Variants in MAP2K3 observed in about 807,000 individuals in gnomAD.
The protein encoded by MAP2K3 is mitogen-activated protein kinase kinase 3.
In MAP2K3, 30 loss-of-function variants were observed where a neutral mutation model predicts 46.4. That is an observed-to-expected ratio of 0.65 (90% CI 0.48 to 0.88). The LOEUF (loss-of-function observed/expected upper bound fraction) is 0.88. Among genes scored for constraint, MAP2K3 ranks in the 40% least tolerant of loss-of-function variants. MAP2K3 has a pLI of 0.00. For missense variants in MAP2K3, 380 were observed against 464.5 expected (o/e 0.82, Z 1.67); for synonymous variants, 189 against 176.3 (o/e 1.07, Z -0.57).
At chr17:21,300,693 C>A in intron 4 of MAP2K3, 35 bp downstream of exon 4, 1 of 1,596,484 alleles carries the variant, frequency 6.3e-7, no homozygotes, top group South Asian at 1.1e-5. Context: ...GGAGGGCTCC[C>A]TGGAGGAGGC....
In MAP2K3 at chr17:21,284,856, C is replaced by T; in HGVS notation, c.-65C>T. 11 of 1,552,842 alleles carry T rather than the reference C, an allele frequency of 7.1e-6. No homozygotes were observed. Among genetic ancestry groups the T allele is most frequent in the Middle Eastern group, 1.7e-4 (1 of 5,844 alleles). On this transcript the variant is annotated 5_prime_UTR_variant, in exon 1 of 12. Transcript: ENST00000342679. Reference sequence around the variant, plus strand: ...GTCTGCCCGCAGCCATGAGCGTGCTCGGCCCCGGTGGAGCCCGCAGTCCTC... The same window carrying T: ...GTCTGCCCGCAGCCATGAGCGTGCTTGGCCCCGGTGGAGCCCGCAGTCCTC...
At chr17:21,299,333 G>A (rs1213042146) in intron 3 of MAP2K3, among the ~76,000 whole-genome samples, 1 of 152,312 alleles carries the variant, frequency 6.6e-6, no homozygotes, top group African/African-American at 2.4e-5. Context: ...AAGGGCACTA[G>A]CCATTCAGAA....
At chr17:21,307,937 C>CCA in intron 9 of MAP2K3, among the ~76,000 whole-genome samples, 1 of 147,754 alleles carries the variant, frequency 6.8e-6, no homozygotes, top group African/African-American at 2.5e-5. Flanking sequence ...CTCACTGCAA[C>CCA]CTCTGCCTCT....
chr17:21,300,071 G>A (rs1273227619), intron 3 of MAP2K3, among the ~76,000 whole-genome samples: 1 of 152,312 alleles, frequency 6.6e-6, no homozygotes. Flanking sequence ...CTGCTGTCCT[G>A]TTCATCTACT....
At chr17:21,301,743 T>C (rs1976612943) in intron 5 of MAP2K3, among the ~76,000 whole-genome samples, 1 of 152,300 alleles carries the variant, frequency 6.6e-6, no homozygotes, top group Admixed American at 6.5e-5. Flanking sequence ...AGGGAGCAGG[T>C]CCTTGCAGGC....
intron 10 of MAP2K3, among the ~76,000 whole-genome samples, chr17:21,312,924 A>G (rs1977234260): frequency 6.6e-6 from 1 of 152,018 alleles, no homozygotes; most frequent in Non-Finnish European, 1.5e-5. Context: ...GTCTCAAAAA[A>G]AAAAAAAAAT....
At chr17:21,293,072 T>C (rs1400364832) in intron 1 of MAP2K3, among the ~76,000 whole-genome samples, 1 of 152,306 alleles carries the variant, frequency 6.6e-6, no homozygotes, top group South Asian at 2.1e-4. Context: ...CCCCAGCACA[T>C]AGTAGGTATT....
At chr17:21,294,479 C>G (rs966849350) in intron 1 of MAP2K3, among the ~76,000 whole-genome samples, 1 of 152,310 alleles carries the variant, frequency 6.6e-6, no homozygotes, top group African/African-American at 2.4e-5. Context: ...ACAGCTTGGT[C>G]TCCCCAGGCC....
intron 1 of MAP2K3, chr17:21,295,631 T>A (rs1417578956): frequency 7.8e-7 from 1 of 1,288,850 alleles, no homozygotes. Flanking sequence ...GGCTTCCCCA[T>A]GGAGCCTGTG....
chr17:21,285,433 A>T (rs1207888907), intron 1 of MAP2K3: 1 of 276,706 alleles, frequency 3.6e-6, no homozygotes, highest in African/African-American at 2.3e-5. Flanking sequence ...TTGAGTCTCC[A>T]TCTGGGCCCC....
intron 1 of MAP2K3, among the ~76,000 whole-genome samples, chr17:21,292,426 C>T (rs1975994274): frequency 6.6e-6 from 1 of 151,878 alleles, no homozygotes; most frequent in South Asian, 2.1e-4. Flanking sequence ...CTCTGTTGCC[C>T]AGTGGCACAG....
chr17:21,304,403 T>A (rs781089775), intron 7 of MAP2K3, 23 bp from the exon 8 acceptor site: 2 of 1,614,270 alleles, frequency 1.2e-6, no homozygotes, highest in East Asian at 4.5e-5. Context: ...CAGACGTGGC[T>A]GAGGCATGTC....
chr17:21,300,661 G>T lies in MAP2K3; in HGVS notation c.279+3G>T, dbSNP rs1292868602. On this transcript the variant is annotated splice_donor_region_variant and intron_variant, in intron 4 of 11. Coordinates refer to ENST00000342679, the MANE Select transcript of MAP2K3 (RefSeq NM_145109.3). ...GCGGCACCATCATGGCCGTGAAGGT[G>T]AGCAGGGCCTGGAGGCAGCTGGGAG... The T allele has an allele frequency of 1.2e-6, 2 of 1,607,556 alleles. No individual in the cohort carries two copies. The highest frequency in any genetic ancestry group is 2.2e-5 in the East Asian group (1 of 44,686).
chr17:21,292,199 C>T (rs905322853), intron 1 of MAP2K3, among the ~76,000 whole-genome samples: 3 of 152,300 alleles, frequency 2.0e-5, no homozygotes, highest in African/African-American at 7.2e-5. Flanking sequence ...GCCTGGCTGC[C>T]CCTTCAGACA....
Position 21,298,441 on chromosome 17 carries a change from G to A in MAP2K3, c.78G>A (p.Arg26=). ...KGKSKRKKDL[R]ISCMSKPPAP... Reference sequence around the variant, plus strand: ...AATCCAAGAGGAAGAAGGATCTACGGATATCCTGCATGTCCAAGCCACCCG... The same window carrying A: ...AATCCAAGAGGAAGAAGGATCTACGAATATCCTGCATGTCCAAGCCACCCG... The change falls in exon 2 of 12, where the codon CGG becomes CGA. Residue 26 remains arginine, a synonymous_variant. Coordinates refer to ENST00000342679, the MANE Select transcript of MAP2K3 (RefSeq NM_145109.3). 6.2e-7 allele frequency: 1 copy of A among 1,614,312 alleles called. No homozygotes were observed. Among genetic ancestry groups the A allele is most frequent in the Non-Finnish European group, 8.5e-7 (1 of 1,180,058 alleles).
chr17:21,305,039 T>A lies in MAP2K3; in HGVS notation c.697-12T>A. 1.2e-6 allele frequency: 2 copies of A among 1,614,308 alleles called. No homozygotes were observed. The highest frequency in any genetic ancestry group is 1.7e-6 in the Non-Finnish European group (2 of 1,180,054). On this transcript the variant is annotated splice_polypyrimidine_tract_variant and intron_variant, in intron 8 of 11. Transcript: ENST00000342679. ...GGGGCGGGTGTTCACGCCTCACTCTTCCCTCCTGCAGCCTGAGAGGATCAA... is the reference window on the plus strand; with the variant it reads ...GGGGCGGGTGTTCACGCCTCACTCTACCCTCCTGCAGCCTGAGAGGATCAA...
In MAP2K3 at chr17:21,294,717, G is replaced by A. The variant is rs1037672852; in HGVS notation, c.50-3696G>A. Among the ~76,000 whole-genome samples, 4 of 152,426 alleles carry A rather than the reference G, an allele frequency of 2.6e-5. No homozygotes were observed. The East Asian group carries it at 5.8e-4, about 22-fold the overall frequency. Reference sequence around the variant, plus strand: ...GGACAGGGGTGGTCTGGGGCTGAGGGTGGTGTTCTCTTGGGAGCTGTGCAC... The same window carrying A: ...GGACAGGGGTGGTCTGGGGCTGAGGATGGTGTTCTCTTGGGAGCTGTGCAC... On this transcript the variant is annotated intron_variant, in intron 1 of 11. Transcript: ENST00000342679.
intron 1 of MAP2K3, chr17:21,295,733 C>T: frequency 7.8e-7 from 1 of 1,289,508 alleles, no homozygotes; most frequent in Non-Finnish European, 1.0e-6. Flanking sequence ...GCGTGGTCCC[C>T]ACCCATCCAG....
intron 2 of MAP2K3, 132 bp from the exon 3 acceptor site, chr17:21,298,746 T>C (rs909333479): frequency 1.5e-6 from 2 of 1,340,876 alleles, no homozygotes; most frequent in African/African-American, 1.5e-5. Context: ...TGAGAGGAGG[T>C]GGCCGGAGAA....
Sources: gnomAD v4.1 joint callset for allele counts (sites outside exome capture counted in the v4.1 genomes callset) on GRCh38, gnomAD v4.1.1 for gene constraint, MANE v1.5 for transcripts, NCBI Gene and HGNC (gene_info 2026-07-23, HGNC 2026-07-21) for gene names.